The following PARD3B variants were observed in gnomAD, a reference collection of about 807,000 sequenced individuals.
PARD3B encodes partitioning defective 3 homolog B.
Under a neutral mutation model 130.2 loss-of-function variants are expected in PARD3B, and 103 were observed. The ratio of observed to expected loss-of-function variants is 0.79; its 90% CI spans 0.67 to 0.93. The LOEUF is 0.93. PARD3B is among the 40% of genes least tolerant of loss of function. The pLI, the probability that PARD3B is intolerant of heterozygous loss-of-function variation, is 0.00. For missense variants in PARD3B, 1,609 were observed against 1,499.2 expected (o/e 1.07, Z -1.21); for synonymous variants, 583 against 553.2 (o/e 1.05, Z -0.76).
chr2:205,477,608 T>A (rs1315183789), intron 20 of PARD3B, among the ~76,000 whole-genome samples: 1 of 144,644 alleles, frequency 6.9e-6, no homozygotes, highest in Non-Finnish European at 1.5e-5. Context: ...AAAAAAAAAA[T>A]AAGCACATGA....
intron 20 of PARD3B, chr2:205,482,862 A>G (rs2049296842): frequency 6.6e-6 from 1 of 152,126 alleles, no homozygotes; most frequent in South Asian, 2.1e-4. Context: ...CTCCACTGAC[A>G]AGGATTTGTG....
chr2:204,963,725 A>T (rs1419295741), intron 2 of PARD3B, among the ~76,000 whole-genome samples: 1 of 152,138 alleles, frequency 6.6e-6, no homozygotes, highest in Non-Finnish European at 1.5e-5. Flanking sequence ...ATCTTTCATT[A>T]TTATTAATAT....
intron 3 of PARD3B, among the ~76,000 whole-genome samples, chr2:204,974,112 A>G (rs1691938615): frequency 6.6e-6 from 1 of 152,216 alleles, no homozygotes; most frequent in Admixed American, 6.5e-5. Flanking sequence ...AAATATCAGA[A>G]TAAATTCTGA....
intron 22 of PARD3B, among the ~76,000 whole-genome samples, chr2:205,595,573 G>T (rs937137891): frequency 1.3e-5 from 2 of 152,092 alleles, no homozygotes; most frequent in African/African-American, 4.8e-5. Flanking sequence ...ATGATAGAAG[G>T]CATGTGATTA....
chr2:205,038,915 C>T (rs553706898), intron 3 of PARD3B, among the ~76,000 whole-genome samples: 1 of 152,206 alleles, frequency 6.6e-6, no homozygotes, highest in East Asian at 1.9e-4. Flanking sequence ...GACTTAGTTT[C>T]CTTAGTGTGG....
rs1020389348 is a variant in PARD3B, at chr2:205,446,678, G to A, written c.3044+6006G>A. 6.6e-6 allele frequency among the ~76,000 whole-genome samples: 1 copy of A among 151,988 alleles called. No individual in the cohort carries two copies. Among genetic ancestry groups the A allele is most frequent in the Non-Finnish European group, 1.5e-5 (1 of 68,010 alleles). On this transcript the variant is annotated intron_variant, in intron 20 of 22. Coordinates refer to ENST00000406610, the MANE Select transcript of PARD3B (RefSeq NM_001302769.2). This position sits in a 1 kb window ranked among gnomAD's most constrained non-coding sequence, Gnocchi z 4.4. ...ATAAAAGATTCATCTATAAATGACA[G>A]TGGTTAAAAAAAAATTTCTACCACC...
At chr2:204,889,729 A>G (rs2046382180) in intron 2 of PARD3B, among the ~76,000 whole-genome samples, 1 of 152,252 alleles carries the variant, frequency 6.6e-6, no homozygotes, top group African/African-American at 2.4e-5. Flanking sequence ...ATGGCTGTGT[A>G]TACCTCTGAT....
rs562420366 is a variant in PARD3B at position 205,121,317 on chromosome 2, G to A, written c.807-274G>A. ...TCTCTGAGCCTCAACTTCCATGTCCGTGAAATGAAAGCTATTTATACTTAC... is the reference window on the plus strand; with the variant it reads ...TCTCTGAGCCTCAACTTCCATGTCCATGAAATGAAAGCTATTTATACTTAC... On this transcript the variant is annotated intron_variant, in intron 7 of 22. Coordinates refer to ENST00000406610, the MANE Select transcript of PARD3B (RefSeq NM_001302769.2). This position sits in a 1 kb window ranked among gnomAD's most constrained non-coding sequence, Gnocchi z 5.0. Among the ~76,000 whole-genome samples the A allele has an allele frequency of 3.3e-4, 51 of 152,294 alleles. 1 individual carries two copies. Among genetic ancestry groups the A allele is most frequent in the South Asian group, 8.3e-4 (4 of 4,826 alleles).
rs544373487 is a variant in PARD3B, at chr2:204,799,949, A to T, written c.222+113667A>T. 6.6e-6 allele frequency among the ~76,000 whole-genome samples: 1 copy of T among 152,344 alleles called. No individual in the cohort carries two copies. The highest frequency in any genetic ancestry group is 1.9e-4 in the East Asian group (1 of 5,176). On this transcript the variant is annotated intron_variant, in intron 2 of 22. Transcript: ENST00000406610. This position sits in a 1 kb window ranked among gnomAD's most constrained non-coding sequence, Gnocchi z 4.1. ...CAAGACTGTGAAGGCTACAATAAAT[A>T]CCTAACTCTACAATGCCCTGACACT... is the stretch of plus-strand genomic sequence containing the variant.
At chr2:204,560,364 A>G (rs1433458616) in intron 1 of PARD3B, among the ~76,000 whole-genome samples, 1 of 152,150 alleles carries the variant, frequency 6.6e-6, no homozygotes, top group Non-Finnish European at 1.5e-5. Context: ...ATAGAGTAAA[A>G]TAAGACACAG....
At chr2:205,047,880 A>G (rs191823783) in intron 4 of PARD3B, 190 bp downstream of exon 4, 45 of 439,208 alleles carry the variant, frequency 1.0e-4, no homozygotes, top group Admixed American at 9.7e-4. Flanking sequence ...GCTATTACGT[A>G]TATGGCACTG....
intron 20 of PARD3B, among the ~76,000 whole-genome samples, chr2:205,479,544 G>A (rs67828795): frequency 0.5 from 75,474 of 151,904 alleles, 20,164 homozygotes; most frequent in Admixed American, 0.62. Context: ...TTTCCTCCAG[G>A]AAGGGTTCAT....
intron 21 of PARD3B, among the ~76,000 whole-genome samples, chr2:205,536,961 C>T (rs977036345): frequency 5.9e-5 from 9 of 152,146 alleles, no homozygotes; most frequent in African/African-American, 2.2e-4. Flanking sequence ...TAAATCAACT[C>T]CCCCTGGGAA....
intron 2 of PARD3B, among the ~76,000 whole-genome samples, chr2:204,953,950 C>T (rs1443873573): frequency 6.6e-6 from 1 of 152,142 alleles, no homozygotes; most frequent in Non-Finnish European, 1.5e-5. Flanking sequence ...AGAAAGTCAA[C>T]TGTTCCCAGA....
chr2:205,230,292 C>G lies in PARD3B; in HGVS notation c.2141-15486C>G, dbSNP rs1054786562. Among the ~76,000 whole-genome samples, 2 of 152,160 alleles carry G rather than the reference C, an allele frequency of 1.3e-5. No homozygotes were observed. The highest frequency in any genetic ancestry group is 4.8e-5 in the African/African-American group (2 of 41,448). On this transcript the variant is annotated intron_variant, in intron 15 of 22. Transcript: ENST00000406610. This position sits in a 1 kb window ranked among gnomAD's most constrained non-coding sequence, Gnocchi z 4.1. ...TCTCACCCAAGACCCATGGCAAGTA[C>G]TGCCTGGCTACTGCTGCTAATTATT...
intron 15 of PARD3B, among the ~76,000 whole-genome samples, chr2:205,217,822 G>A (rs12623938): frequency 1.1e-4 from 7 of 61,516 alleles, no homozygotes; most frequent in Admixed American, 3.8e-4. Flanking sequence ...ATATGTATAT[G>A]TGTGTGTATA....
chr2:204,911,834 A>C (rs1266351709), intron 2 of PARD3B, among the ~76,000 whole-genome samples: 1 of 152,238 alleles, frequency 6.6e-6, no homozygotes, highest in African/African-American at 2.4e-5. Context: ...CAGTGTATGC[A>C]TATATGAAAA....
chr2:204,973,471 A>G (rs1476187511), intron 3 of PARD3B, among the ~76,000 whole-genome samples: 1 of 150,872 alleles, frequency 6.6e-6, no homozygotes, highest in African/African-American at 2.4e-5. Flanking sequence ...CCCTTTTTGT[A>G]CTGACAATGT....
At position 204,734,110 on chromosome 2, in the gene PARD3B, A is replaced by G. The variant is rs762493250; in HGVS notation, c.222+47828A>G. Among the ~76,000 whole-genome samples, 78 of 152,200 alleles carry G rather than the reference A, an allele frequency of 5.1e-4. 2 individuals are homozygous for G. The highest frequency in any genetic ancestry group is 7.1e-4 in the Non-Finnish European group (48 of 68,022). On this transcript the variant is annotated intron_variant, in intron 2 of 22. Transcript: ENST00000406610. ...GGTACCCTGATTAAAACTGGGGTCCAATATTTAAATAGACATATTTCCAAA... is the reference window on the plus strand; with the variant it reads ...GGTACCCTGATTAAAACTGGGGTCCGATATTTAAATAGACATATTTCCAAA...
Sources: gnomAD v4.1 joint callset for allele counts (sites outside exome capture counted in the v4.1 genomes callset) on GRCh38, gnomAD v4.1.1 for gene constraint, Gnocchi (gnomAD v3.1) non-coding constraint, MANE v1.5 for transcripts, NCBI Gene and HGNC (gene_info 2026-07-23, HGNC 2026-07-21) for gene names.